C12orf42: variants seen among roughly 807,000 people sequenced by gnomAD.
C12orf42 encodes the protein uncharacterized protein C12orf42.
Under a neutral mutation model 21.6 loss-of-function variants are expected in C12orf42, and 25 were observed. The ratio of observed to expected loss-of-function variants is 1.16; its 90% CI spans 0.84 to 1.62. The LOEUF (loss-of-function observed/expected upper bound fraction) is 1.62. C12orf42 is among the 40% of genes most tolerant of loss of function. The pLI is 0.00. For missense variants in C12orf42, 483 were observed against 459.3 expected, an observed-to-expected ratio of 1.05 and a Z score of -0.47; for synonymous variants, 174 against 175.0, an observed-to-expected ratio of 0.99 and a Z score of 0.05.
chr12:103,440,527 C>T (rs1951160652), intron 2 of C12orf42, among the ~76,000 whole-genome samples: 1 of 138,424 alleles, frequency 7.2e-6, no homozygotes, highest in South Asian at 2.5e-4. Flanking sequence ...AGACCCCTAA[C>T]TTCAAGAAAG....
chr12:103,350,784 T>C (rs545072379), intron 4 of C12orf42, among the ~76,000 whole-genome samples: 6 of 152,286 alleles, frequency 3.9e-5, no homozygotes, highest in Non-Finnish European at 7.4e-5. Context: ...TTTCTCTCAG[T>C]CCATTTTCTC....
downstream of C12orf42, among the ~76,000 whole-genome samples, chr12:103,264,701 C>T (rs537052125): frequency 6.3e-4 from 96 of 152,142 alleles, no homozygotes; most frequent in African/African-American, 2.2e-3. Flanking sequence ...AGGGCCTGTA[C>T]CATAGAAGAA....
intron 1 of C12orf42, among the ~76,000 whole-genome samples, chr12:103,488,821 T>C (rs1264080222): frequency 6.6e-6 from 1 of 152,220 alleles, no homozygotes; most frequent in Non-Finnish European, 1.5e-5. Flanking sequence ...AGGTCTTCTC[T>C]ACACTGTTTA....
chr12:103,169,787 T>A, the C12orf42 span, among the ~76,000 whole-genome samples: 457 of 151,272 alleles, frequency 3.0e-3, 2 homozygotes, highest in African/African-American at 0.011. Context: ...AAAATAAAAA[T>A]GATAGAGCAT....
chr12:103,489,299 G>C (rs1955035178), intron 1 of C12orf42, among the ~76,000 whole-genome samples: 1 of 152,218 alleles, frequency 6.6e-6, no homozygotes, highest in Non-Finnish European at 1.5e-5. Context: ...AGCAAATAAT[G>C]CTGCCTGATC....
chr12:103,221,217 C>T, the C12orf42 span, among the ~76,000 whole-genome samples: 2 of 152,160 alleles, frequency 1.3e-5, no homozygotes, highest in South Asian at 2.1e-4. Context: ...CAACTGAGAA[C>T]TCTATCAACA....
At chr12:103,366,737 C>T (rs1244550670) in intron 4 of C12orf42, among the ~76,000 whole-genome samples, 1 of 151,684 alleles carries the variant, frequency 6.6e-6, no homozygotes, top group East Asian at 1.9e-4. Flanking sequence ...TCAGGGAAAT[C>T]CAAATCAAAA....
chr12:103,174,190 TC>T, the C12orf42 span, among the ~76,000 whole-genome samples: 2 of 152,200 alleles, frequency 1.3e-5, no homozygotes, highest in East Asian at 3.8e-4. Flanking sequence ...TTATTATGAT[TC>T]CCATTTCATA....
intron 4 of C12orf42, among the ~76,000 whole-genome samples, chr12:103,337,768 C>T (rs184397729): frequency 2.0e-5 from 3 of 152,320 alleles, no homozygotes; most frequent in Admixed American, 1.3e-4. Context: ...CAGAACAAAA[C>T]CTCATTCCCA....
the C12orf42 span, among the ~76,000 whole-genome samples, chr12:103,211,400 G>A: frequency 1.3e-5 from 2 of 152,090 alleles, no homozygotes; most frequent in Non-Finnish European, 2.9e-5. Context: ...ATAAACTTTA[G>A]AGGAATCCCA....
At chr12:103,292,879 A>G (rs1178237015) in intron 4 of C12orf42, among the ~76,000 whole-genome samples, 1 of 152,108 alleles carries the variant, frequency 6.6e-6, no homozygotes, top group Non-Finnish European at 1.5e-5. Context: ...AGAGTTTTCC[A>G]TTTAACTACA....
At chr12:103,428,535 G>C (rs2139280241) in intron 2 of C12orf42, among the ~76,000 whole-genome samples, 1 of 152,252 alleles carries the variant, frequency 6.6e-6, no homozygotes, top group African/African-American at 2.4e-5. Flanking sequence ...TATTCTACAA[G>C]AGGTACAAGG....
the C12orf42 span, among the ~76,000 whole-genome samples, chr12:103,147,856 T>C: frequency 6.6e-6 from 1 of 151,912 alleles, no homozygotes; most frequent in African/African-American, 2.4e-5. Context: ...AGAAAGTCTG[T>C]TTACCCAAGA....
At chr12:103,494,828 A>AG (rs1054914268) in intron 1 of C12orf42, among the ~76,000 whole-genome samples, 1 of 152,040 alleles carries the variant, frequency 6.6e-6, no homozygotes, top group Non-Finnish European at 1.5e-5. Flanking sequence ...TAAAGAAGGG[A>AG]GGGGGTGTCG....
chr12:103,329,560 TA>T (rs2041032084), intron 4 of C12orf42, among the ~76,000 whole-genome samples: 1 of 149,288 alleles, frequency 6.7e-6, no homozygotes, highest in East Asian at 2.0e-4. Context: ...AAATTAAAAT[TA>T]AAAAAAGAAT....
chr12:103,508,062 CAAT>C, the C12orf42 span, among the ~76,000 whole-genome samples: 1 of 152,132 alleles, frequency 6.6e-6, no homozygotes, highest in Non-Finnish European at 1.5e-5. Context: ...GTTATCCATA[CAAT>C]GAGTCCAATA....
chr12:103,137,810 G>A, the C12orf42 span, among the ~76,000 whole-genome samples: 2 of 152,126 alleles, frequency 1.3e-5, no homozygotes, highest in Non-Finnish European at 2.9e-5. Flanking sequence ...AGATGTAGGA[G>A]TTAAATAGTT....
chr12:103,301,851 C>A, downstream of C12orf42: 1 of 449,166 alleles, frequency 2.2e-6, no homozygotes, highest in South Asian at 3.7e-5. Context: ...GCGATGTACC[C>A]CATCCCTATT....
At chr12:103,499,366 A>C (rs1433444675), upstream of C12orf42, among the ~76,000 whole-genome samples, 1 of 152,222 alleles carries the variant, frequency 6.6e-6, no homozygotes, top group African/African-American at 2.4e-5. Flanking sequence ...GTACACGTTA[A>C]ATGTAGAAAG....
Sources: gnomAD v4.1 joint callset for allele counts (sites outside exome capture counted in the v4.1 genomes callset) on GRCh38, gnomAD v4.1.1 for gene constraint, MANE v1.5 for transcripts, NCBI Gene and HGNC (gene_info 2026-07-23, HGNC 2026-07-21) for gene names.